The following ANKRD29 variants were observed in gnomAD, a reference collection of about 807,000 sequenced individuals.
ANKRD29 encodes the protein ankyrin repeat domain 29.
A neutral mutation model predicts 38.0 loss-of-function variants in ANKRD29; 32 were observed. The observed-to-expected ratio is 0.84, with a 90% CI of 0.64 to 1.13. The LOEUF (loss-of-function observed/expected upper bound fraction) is 1.13, where lower values mean the gene tolerates loss of function less well. Among genes scored for constraint, ANKRD29 ranks in the 50% most tolerant of loss-of-function variants. ANKRD29 has a pLI of 0.00. For synonymous variants in ANKRD29, 135 were observed against 152.4 expected, an observed-to-expected ratio of 0.89 and a Z score of 0.84; for missense variants, 357 against 377.9, an observed-to-expected ratio of 0.94 and a Z score of 0.46.
chr18:23,638,292 G>A (rs543747024), intron 4 of ANKRD29, among the ~76,000 whole-genome samples: 108 of 152,176 alleles, frequency 7.1e-4, no homozygotes, highest in African/African-American at 2.5e-3. Context: ...GAACCACCGC[G>A]CCTAGCCAAT....
intron 9 of ANKRD29, among the ~76,000 whole-genome samples, chr18:23,610,523 G>C (rs996725928): frequency 6.6e-6 from 1 of 151,774 alleles, no homozygotes; most frequent in African/African-American, 2.4e-5. Context: ...GGCCAGGTGT[G>C]GTGGCTTATG....
At chr18:23,632,771 A>C (rs1449746212) in intron 5 of ANKRD29, among the ~76,000 whole-genome samples, 3 of 152,080 alleles carry the variant, frequency 2.0e-5, no homozygotes, top group African/African-American at 7.2e-5. Flanking sequence ...GCCTCTTTAG[A>C]TCATTATCAA....
Position 23,616,244 on chromosome 18 carries a change from A to G in ANKRD29, c.723+1488T>C, listed in dbSNP as rs1245392773. On this transcript the variant is annotated intron_variant, in intron 8 of 9. Transcript: ENST00000592179. ...TATATAGTATGTATTTACAGTATATAATTTACTATATATAGTAAATATATG... is the reference window on the plus strand; with the variant it reads ...TATATAGTATGTATTTACAGTATATGATTTACTATATATAGTAAATATATG... Among the ~76,000 whole-genome samples the G allele has an allele frequency of 3.3e-5, 5 of 149,368 alleles. No homozygotes were observed. In the East Asian group the frequency reaches 5.8e-4, roughly 17 times the overall value.
intron 6 of ANKRD29, among the ~76,000 whole-genome samples, chr18:23,625,998 T>G (rs909316550): frequency 6.6e-6 from 1 of 152,190 alleles, no homozygotes; most frequent in Admixed American, 6.5e-5. Context: ...TGGCAGTCGA[T>G]ACACTTTTTC....
chr18:23,614,452 T>C (rs970020712), intron 8 of ANKRD29, among the ~76,000 whole-genome samples: 9 of 152,152 alleles, frequency 5.9e-5, no homozygotes, highest in Non-Finnish European at 1.5e-5. Flanking sequence ...CTTTTGTTCA[T>C]AGAATTCATT....
In ANKRD29 at chr18:23,630,540, G is replaced by A. The variant is rs575419497; in HGVS notation, c.430-589C>T. 4.7e-4 allele frequency among the ~76,000 whole-genome samples: 71 copies of A among 152,164 alleles called. 1 individual carries two copies. Among genetic ancestry groups the A allele is most frequent in the Non-Finnish European group, 7.2e-4 (49 of 68,010 alleles). ...GGAGGCTGAGGCAGAAGAATCTCTTGAACCCAGGAGGTGGAGGTTACAGTG... is the reference window on the plus strand; with the variant it reads ...GGAGGCTGAGGCAGAAGAATCTCTTAAACCCAGGAGGTGGAGGTTACAGTG... On this transcript the variant is annotated intron_variant, in intron 5 of 9. Coordinates refer to ENST00000592179, the MANE Select transcript of ANKRD29 (RefSeq NM_173505.4).
chr18:23,613,758 C>T lies in ANKRD29; in HGVS notation c.724-1568G>A, dbSNP rs549743573. On this transcript the variant is annotated intron_variant, in intron 8 of 9. Coordinates refer to ENST00000592179, the MANE Select transcript of ANKRD29 (RefSeq NM_173505.4). ...GGCACTACAGGCGCCCGCCACACACCCGGCTAATTTTTTGTATTTTTAGTA... is the reference window on the plus strand; with the variant it reads ...GGCACTACAGGCGCCCGCCACACACTCGGCTAATTTTTTGTATTTTTAGTA... Among the ~76,000 whole-genome samples the T allele has an allele frequency of 3.9e-5, 6 of 151,930 alleles. No individual in the cohort carries two copies. In the South Asian group the frequency reaches 8.3e-4, roughly 21 times the overall value.
chr18:23,635,588 A>T (rs2059992584), intron 4 of ANKRD29, among the ~76,000 whole-genome samples: 1 of 152,218 alleles, frequency 6.6e-6, no homozygotes, highest in African/African-American at 2.4e-5. Context: ...AAAACACATA[A>T]CCTGGTTCTA....
At chr18:23,625,426 C>G (rs1310978792) in intron 6 of ANKRD29, among the ~76,000 whole-genome samples, 1 of 151,784 alleles carries the variant, frequency 6.6e-6, no homozygotes, top group Non-Finnish European at 1.5e-5. Context: ...GATCCATAAA[C>G]CTGGGGACCA....
intron 1 of ANKRD29, among the ~76,000 whole-genome samples, chr18:23,656,034 A>G (rs910677745): frequency 1.4e-5 from 2 of 148,072 alleles, no homozygotes; most frequent in South Asian, 2.2e-4. Context: ...CGGAGCTTGC[A>G]GTGAGCCGAG....
chr18:23,641,862 A>G (rs1449273724), intron 3 of ANKRD29, among the ~76,000 whole-genome samples: 2 of 152,112 alleles, frequency 1.3e-5, no homozygotes, highest in Non-Finnish European at 2.9e-5. Context: ...AAGGAACTAC[A>G]CACTGTGGGT....
At position 23,601,294 on chromosome 18, in the gene ANKRD29, C is replaced by T. The variant is rs772326539; in HGVS notation, c.838G>A (p.Ala280Thr). 52 of 1,613,802 alleles carry T rather than the reference C, an allele frequency of 3.2e-5. No homozygotes were observed. The highest frequency in any genetic ancestry group is 4.4e-5 in the Non-Finnish European group (52 of 1,179,964). Residue 280 changes from alanine (A) to threonine (T), a missense_variant, in exon 10 of 10, where the codon GCA becomes ACA. Physicochemically the swap from Ala to Thr is moderately conservative, Grantham distance 58 (BLOSUM62 0). Coordinates refer to ENST00000592179, the MANE Select transcript of ANKRD29 (RefSeq NM_173505.4). Reference protein sequence around the residue: ...SLRNKANELPAELTKNERILR... With the variant: ...SLRNKANELPTELTKNERILR... Reference sequence around the variant, plus strand: ...ATACGTTCATTTTTGGTTAGTTCTGCCGGAAGTTCATTGGCCTGAAAGAAG... The same window carrying T: ...ATACGTTCATTTTTGGTTAGTTCTGTCGGAAGTTCATTGGCCTGAAAGAAG...
At chr18:23,617,612 G>A (rs995435014) in intron 8 of ANKRD29, 120 bp downstream of exon 8, 17 of 656,332 alleles carry the variant, frequency 2.6e-5, no homozygotes, top group Middle Eastern at 5.1e-4. Context: ...CTGCAGGTGT[G>A]TTCTTTCAAG....
intron 3 of ANKRD29, among the ~76,000 whole-genome samples, chr18:23,640,101 A>C (rs1310973347): frequency 2.6e-5 from 4 of 152,166 alleles, no homozygotes; most frequent in African/African-American, 9.7e-5. Flanking sequence ...AAAAACAATA[A>C]ATTTTTTTTT....
intron 8 of ANKRD29, among the ~76,000 whole-genome samples, chr18:23,617,088 G>A (rs1045929999): frequency 4.1e-4 from 62 of 151,970 alleles, no homozygotes; most frequent in African/African-American, 1.4e-3. Flanking sequence ...TGGTGGCAGC[G>A]TGCCTGTAAT....
intron 9 of ANKRD29, among the ~76,000 whole-genome samples, chr18:23,610,321 C>CA (rs1310287808): frequency 1.3e-5 from 2 of 151,978 alleles, no homozygotes; most frequent in African/African-American, 2.4e-5. Context: ...ACTAAAAATA[C>CA]AAAAAAATTA....
chr18:23,644,641 T>G (rs1239408127), intron 3 of ANKRD29, among the ~76,000 whole-genome samples: 1 of 152,180 alleles, frequency 6.6e-6, no homozygotes, highest in Non-Finnish European at 1.5e-5. Context: ...ATTCTGCATG[T>G]CACTCTTTCA....
intron 8 of ANKRD29, among the ~76,000 whole-genome samples, chr18:23,613,409 T>A (rs1244392196): frequency 6.6e-6 from 1 of 151,786 alleles, no homozygotes; most frequent in Non-Finnish European, 1.5e-5. Flanking sequence ...TGAGCTCAGG[T>A]GTTTTGCCCA....
intron 3 of ANKRD29, among the ~76,000 whole-genome samples, chr18:23,639,187 T>C (rs574697768): frequency 2.6e-5 from 4 of 152,300 alleles, no homozygotes; most frequent in African/African-American, 7.2e-5. Flanking sequence ...ATCCTAAAAC[T>C]TGTGAATATT....
Sources: allele counts gnomAD v4.1 joint callset (sites outside exome capture counted in the v4.1 genomes callset), GRCh38; gene constraint gnomAD v4.1.1; transcripts MANE v1.5; gene names NCBI Gene and HGNC (gene_info 2026-07-23, HGNC 2026-07-21).